The following SLC15A1 variants were observed in gnomAD, a reference collection of about 807,000 sequenced individuals.
SLC15A1 encodes Caco-2 oligopeptide transporter.
A neutral mutation model predicts 92.9 loss-of-function variants in SLC15A1; 83 were observed. The ratio of observed to expected loss-of-function variants is 0.89; its 90% confidence interval spans 0.75 to 1.07. The LOEUF (loss-of-function observed/expected upper bound fraction) is 1.07, where lower values mean the gene tolerates loss of function less well. SLC15A1 is among the 50% of genes least tolerant of loss of function. The pLI is 0.00. For synonymous variants in SLC15A1, 322 were observed against 318.2 expected (o/e 1.01, Z -0.13); for missense variants, 857 against 880.1 (o/e 0.97, Z 0.33).
chr13:98,749,830 G>C (rs2088527625), intron 1 of SLC15A1, among the ~76,000 whole-genome samples: 1 of 152,148 alleles, frequency 6.6e-6, no homozygotes. Flanking sequence ...AGTTTTTTAA[G>C]ATTTTGTGGC....
chr13:98,699,439 T>C (rs2088050115), intron 18 of SLC15A1, among the ~76,000 whole-genome samples: 1 of 152,238 alleles, frequency 6.6e-6, no homozygotes, highest in Non-Finnish European at 1.5e-5. Context: ...CACAGCACAA[T>C]GCATTTGAAA....
intron 18 of SLC15A1, among the ~76,000 whole-genome samples, chr13:98,699,485 T>A (rs1451788155): frequency 1.3e-5 from 2 of 152,240 alleles, no homozygotes; most frequent in African/African-American, 2.4e-5. Flanking sequence ...TGTTCCCTTT[T>A]TTGCTGAGTG....
At chr13:98,746,056 A>G (rs2088490526) in intron 1 of SLC15A1, among the ~76,000 whole-genome samples, 1 of 151,888 alleles carries the variant, frequency 6.6e-6, no homozygotes, top group Non-Finnish European at 1.5e-5. Flanking sequence ...AGGCCCCAGT[A>G]TGTGTTGTTC....
At chr13:98,728,792 C>A (rs538674006) in intron 1 of SLC15A1, among the ~76,000 whole-genome samples, 5 of 151,614 alleles carry the variant, frequency 3.3e-5, no homozygotes, top group Admixed American at 6.6e-5. Context: ...ACCAGCCTGG[C>A]CAACATGGTG....
chr13:98,726,359 T>C lies in SLC15A1; in HGVS notation c.103+9A>G. Reference sequence around the variant, plus strand: ...TCCCTGAAGGGTGAGAAACGGCCAATACAGTTACCTCGCATTCCATAGTAG... The same window carrying C: ...TCCCTGAAGGGTGAGAAACGGCCAACACAGTTACCTCGCATTCCATAGTAG... On this transcript the variant is annotated intron_variant, in intron 3 of 22. Transcript: ENST00000376503. 1 of 1,614,154 alleles carries C rather than the reference T, an allele frequency of 6.2e-7. No individual in the cohort carries two copies. The highest frequency in any genetic ancestry group is 1.3e-5 in the African/African-American group (1 of 75,032).
chr13:98,727,838 G>C (rs9517421), intron 1 of SLC15A1, among the ~76,000 whole-genome samples: 49,802 of 152,072 alleles, frequency 0.33, 9,517 homozygotes, highest in East Asian at 0.66. Flanking sequence ...CCTTATATTA[G>C]AGTTCTTTGT....
At chr13:98,727,887 A>G (rs1594001905) in intron 1 of SLC15A1, among the ~76,000 whole-genome samples, 1 of 152,202 alleles carries the variant, frequency 6.6e-6, no homozygotes, top group East Asian at 1.9e-4. Flanking sequence ...TCCATTAGGA[A>G]TCTAGGAATC....
chr13:98,752,572 G>T, intron 1 of SLC15A1, 23 bp downstream of exon 1: 1 of 1,261,522 alleles, frequency 7.9e-7, no homozygotes. Flanking sequence ...TAGCCCGGCC[G>T]GCCCCCCACC....
rs141240548 is a variant in SLC15A1, at chr13:98,728,099, T to G, written c.5-1240A>C. On this transcript the variant is annotated intron_variant, in intron 1 of 22. Transcript: ENST00000376503. ...CAGTGTGCTTTGGGAATCACTACAC[T>G]GGAAAATTATTCTTTAGACTGTTCT... 4.3e-3 allele frequency among the ~76,000 whole-genome samples: 653 copies of G among 152,362 alleles called. 3 individuals are homozygous for G. The highest frequency in any genetic ancestry group is 0.013 in the African/African-American group (555 of 41,590).
chr13:98,728,119 T>A (rs960235318), intron 1 of SLC15A1, among the ~76,000 whole-genome samples: 1 of 152,232 alleles, frequency 6.6e-6, no homozygotes, highest in Non-Finnish European at 1.5e-5. Flanking sequence ...TTCTTTAGAC[T>A]GTTCTTTTCC....
chr13:98,704,976 A>G (rs2088099994), intron 16 of SLC15A1, among the ~76,000 whole-genome samples: 1 of 152,090 alleles, frequency 6.6e-6, no homozygotes, highest in African/African-American at 2.4e-5. Context: ...AGGCAGGCCA[A>G]TCTCTTGAGG....
chr13:98,700,799 T>C (rs917198511), intron 18 of SLC15A1, among the ~76,000 whole-genome samples: 1 of 152,208 alleles, frequency 6.6e-6, no homozygotes, highest in East Asian at 1.9e-4. Context: ...TCAACACTGA[T>C]TGTTGAAAAT....
intron 6 of SLC15A1, 108 bp from the exon 7 acceptor site, chr13:98,721,693 T>G: frequency 7.6e-7 from 1 of 1,308,146 alleles, no homozygotes; most frequent in Non-Finnish European, 1.1e-6. Flanking sequence ...GTATCTTACT[T>G]TCTAATGTAC....
intron 18 of SLC15A1, among the ~76,000 whole-genome samples, chr13:98,694,141 A>G (rs1439818232): frequency 6.6e-6 from 1 of 152,124 alleles, no homozygotes; most frequent in Non-Finnish European, 1.5e-5. Context: ...ATATAGATGA[A>G]ATCTTTTTAA....
intron 18 of SLC15A1, among the ~76,000 whole-genome samples, chr13:98,693,984 G>T (rs574303313): frequency 7.9e-5 from 12 of 152,266 alleles, no homozygotes; most frequent in Non-Finnish European, 1.3e-4. Flanking sequence ...TCCCCAGGTG[G>T]CCTCCCTCAC....
rs750570194 is a variant in SLC15A1, at chr13:98,709,670, A to T, written c.979-10T>A. On this transcript the variant is annotated splice_polypyrimidine_tract_variant and intron_variant, in intron 13 of 22. Coordinates refer to ENST00000376503, the MANE Select transcript of SLC15A1 (RefSeq NM_005073.4). ...GGATGGCGTTCACGGTCTGCAGAGGAAGTGGAGGAGAAATGTTAAGCTTGT... is the reference window on the plus strand; with the variant it reads ...GGATGGCGTTCACGGTCTGCAGAGGTAGTGGAGGAGAAATGTTAAGCTTGT... 5 of 1,614,152 alleles carry T rather than the reference A, an allele frequency of 3.1e-6. No individual in the cohort carries two copies. The highest frequency in any genetic ancestry group is 4.2e-6 in the Non-Finnish European group (5 of 1,180,044).
At chr13:98,708,822 C>T (rs1593990238) in intron 14 of SLC15A1, 55 bp from the exon 15 acceptor site, 1 of 1,382,272 alleles carries the variant, frequency 7.2e-7, no homozygotes. Context: ...ATGAGCTAAG[C>T]TAAACCCCCA....
intron 15 of SLC15A1, among the ~76,000 whole-genome samples, chr13:98,707,891 T>TTA (rs1315915894): frequency 2.8e-5 from 3 of 106,846 alleles, no homozygotes; most frequent in Admixed American, 1.1e-4. Flanking sequence ...AGACCCTGTT[T>TTA]AAAAAAAAAA....
At chr13:98,735,433 G>A (rs879207740) in intron 1 of SLC15A1, among the ~76,000 whole-genome samples, 1 of 152,188 alleles carries the variant, frequency 6.6e-6, no homozygotes, top group Admixed American at 6.5e-5. Context: ...GCACAAGACA[G>A]GGATGCCCTC....
Sources: gnomAD v4.1 joint callset for allele counts (sites outside exome capture counted in the v4.1 genomes callset) on GRCh38, gnomAD v4.1.1 for gene constraint, MANE v1.5 for transcripts, NCBI Gene and HGNC (gene_info 2026-07-23, HGNC 2026-07-21) for gene names.